Variants in SEL1L3 observed in about 807,000 individuals in gnomAD.
SEL1L3 encodes the protein protein sel-1 homolog 3.
In SEL1L3, 76 loss-of-function variants were observed where a neutral mutation model predicts 142.8. The observed-to-expected ratio is 0.53, with a 90% confidence interval of 0.44 to 0.64. SEL1L3 has a LOEUF of 0.64. Ranked by LOEUF, SEL1L3 falls within the 30% of genes least tolerant of loss-of-function variation. The probability of loss-of-function intolerance (pLI) is 0.00; values close to 1 mark genes in which losing one functional copy is unlikely to be tolerated. For synonymous variants in SEL1L3, 504 were observed against 519.6 expected, an observed-to-expected ratio of 0.97 and a Z score of 0.41; for missense variants, 1,262 against 1,381.7, an observed-to-expected ratio of 0.91 and a Z score of 1.37.
intron 7 of SEL1L3, 29 bp downstream of exon 7, chr4:25,821,967 C>G: frequency 6.2e-7 from 1 of 1,606,608 alleles, no homozygotes; most frequent in Non-Finnish European, 8.5e-7. Context: ...CCCAGGAGTA[C>G]CGCAATCTTC....
chr4:25,724,598 G>A, the SEL1L3 span, among the ~76,000 whole-genome samples: 197 of 151,566 alleles, frequency 1.3e-3, no homozygotes, highest in African/African-American at 4.4e-3. Context: ...AATTAACTGG[G>A]TGTGGTGGTG....
chr4:25,743,227 T>G (rs946543250), downstream of SEL1L3, among the ~76,000 whole-genome samples: 4 of 152,196 alleles, frequency 2.6e-5, no homozygotes, highest in Non-Finnish European at 5.9e-5. Context: ...AGCAATTAAT[T>G]GAAAAATTTA....
chr4:25,846,875 T>C (rs1390932873), intron 2 of SEL1L3, among the ~76,000 whole-genome samples: 3 of 127,600 alleles, frequency 2.4e-5, no homozygotes, highest in African/African-American at 6.2e-5. Flanking sequence ...ATCTCGCCAC[T>C]GCACTCCAGC....
intron 6 of SEL1L3, among the ~76,000 whole-genome samples, chr4:25,828,014 T>C (rs9999458): frequency 0.16 from 23,644 of 152,206 alleles, 6,080 homozygotes; most frequent in African/African-American, 0.53. Context: ...AGAGAAGATC[T>C]CCTAGCCACC....
chr4:25,789,247 A>C (rs960718762), intron 12 of SEL1L3, among the ~76,000 whole-genome samples: 20 of 152,074 alleles, frequency 1.3e-4, no homozygotes, highest in African/African-American at 4.6e-4. Flanking sequence ...GTATCGCCTG[A>C]AATGTGAGGA....
chr4:25,722,904 A>G, the SEL1L3 span, among the ~76,000 whole-genome samples: 1 of 152,180 alleles, frequency 6.6e-6, no homozygotes, highest in Non-Finnish European at 1.5e-5. Context: ...TTAATATTTC[A>G]CACAAAACAG....
rs571374873 is a variant in SEL1L3, at chr4:25,800,932, A to G, written c.1956+1351T>C. Among the ~76,000 whole-genome samples, 8 of 152,330 alleles carry G rather than the reference A, an allele frequency of 5.3e-5. No individual in the cohort carries two copies. The South Asian group carries it at 1.7e-3, about 32-fold the overall frequency. On this transcript the variant is annotated intron_variant, in intron 11 of 23. Coordinates refer to ENST00000399878, the MANE Select transcript of SEL1L3 (RefSeq NM_015187.5). ...CTCTAGATTTCTTTTCCAGAAACCA[A>G]CCATTCCCAAACATCAAAGCTTGAA...
At chr4:25,722,624 C>CTTTTTTTTTTTTTTTTT in the SEL1L3 span, among the ~76,000 whole-genome samples, 680 of 103,538 alleles carry the variant, frequency 6.6e-3, 78 homozygotes, top group African/African-American at 0.023. Flanking sequence ...CCAAAGGAGG[C>CTTTTTTTTTTTTTTTTT]TTTTTTTTTT....
In SEL1L3 at chr4:25,747,757, T is replaced by C. The variant is rs1717332025; in HGVS notation, c.*668A>G. On this transcript the variant is annotated 3_prime_UTR_variant, in exon 24 of 24. Transcript: ENST00000399878. ...AGTACTAAGAATCTTCTAAATGTAA[T>C]TTCATGGATTGCAATTGAAATGTAA... 6.6e-6 allele frequency: 1 copy of C among 152,650 alleles called. No individual in the cohort carries two copies. Among genetic ancestry groups the C allele is most frequent in the South Asian group, 2.1e-4 (1 of 4,828 alleles). 9.5% of individuals were successfully genotyped at this position (152,650 alleles called of 1,614,324 possible). A position where few individuals can be genotyped will look rare whatever the true frequency, so the allele number is the denominator to read the frequency against.
chr4:25,829,082 C>T (rs920119030), intron 6 of SEL1L3, among the ~76,000 whole-genome samples: 5 of 152,228 alleles, frequency 3.3e-5, no homozygotes, highest in South Asian at 2.1e-4. Context: ...AAGCCATTCT[C>T]GTGCCTCAGC....
chr4:25,760,728 A>G (rs1718320225), intron 20 of SEL1L3, among the ~76,000 whole-genome samples: 1 of 152,216 alleles, frequency 6.6e-6, no homozygotes, highest in Non-Finnish European at 1.5e-5. Context: ...ACCAGGTTGC[A>G]TACTCCAGGA....
the SEL1L3 span, among the ~76,000 whole-genome samples, chr4:25,741,556 A>G: frequency 1.5e-4 from 23 of 151,894 alleles, no homozygotes; most frequent in Non-Finnish European, 2.9e-4. Context: ...TGCTTTGAAT[A>G]TTTTTTCTAC....
At chr4:25,824,759 A>T (rs1018207005) in intron 6 of SEL1L3, among the ~76,000 whole-genome samples, 1 of 152,226 alleles carries the variant, frequency 6.6e-6, no homozygotes, top group Non-Finnish European at 1.5e-5. Flanking sequence ...TAATCATACC[A>T]TTTACTTACA....
chr4:25,808,392 T>A (rs1260000993), intron 9 of SEL1L3, among the ~76,000 whole-genome samples: 2 of 152,144 alleles, frequency 1.3e-5, no homozygotes, highest in African/African-American at 4.8e-5. Context: ...CACAGTAATA[T>A]CATAAGGTCA....
intron 1 of SEL1L3, among the ~76,000 whole-genome samples, chr4:25,859,091 G>A (rs1717491099): frequency 6.6e-6 from 1 of 152,264 alleles, no homozygotes; most frequent in African/African-American, 2.4e-5. Flanking sequence ...ATCACAGATA[G>A]AGAGCTGGGG....
At chr4:25,805,339 G>A (rs1218472854) in intron 9 of SEL1L3, among the ~76,000 whole-genome samples, 6 of 152,050 alleles carry the variant, frequency 3.9e-5, no homozygotes, top group East Asian at 1.9e-4. Flanking sequence ...TTATAAGGTC[G>A]GTACTATTTT....
At chr4:25,750,563 G>GAAGTA (rs1171536997) in intron 23 of SEL1L3, among the ~76,000 whole-genome samples, 3 of 152,186 alleles carry the variant, frequency 2.0e-5, no homozygotes, top group African/African-American at 7.2e-5. Context: ...TACTTCATCT[G>GAAGTA]GGCCTCTGGA....
At chr4:25,799,421 T>G (rs979962158) in intron 11 of SEL1L3, among the ~76,000 whole-genome samples, 3 of 152,308 alleles carry the variant, frequency 2.0e-5, no homozygotes, top group Non-Finnish European at 4.4e-5. Context: ...ATTAGAGGTC[T>G]ACCTTAACAG....
intron 1 of SEL1L3, among the ~76,000 whole-genome samples, chr4:25,853,663 C>A (rs909473139): frequency 7.4e-6 from 1 of 135,192 alleles, no homozygotes; most frequent in South Asian, 2.2e-4. Context: ...GCTCTTCTTA[C>A]CTTTTTTTTT....
Sources: gnomAD v4.1 joint callset for allele counts (sites outside exome capture counted in the v4.1 genomes callset) on GRCh38, gnomAD v4.1.1 for gene constraint, MANE v1.5 for transcripts, NCBI Gene and HGNC (gene_info 2026-07-23, HGNC 2026-07-21) for gene names.